ZBTB7C: variants seen among roughly 807,000 people sequenced by gnomAD.
ZBTB7C encodes zinc finger and BTB domain-containing protein 7C.
In ZBTB7C, 8 loss-of-function variants were observed where a neutral mutation model predicts 25.7. The ratio of observed to expected loss-of-function variants is 0.31; its 90% CI spans 0.18 to 0.56. The LOEUF is 0.56. ZBTB7C is among the 20% of genes least tolerant of loss of function. The pLI, the probability that ZBTB7C is intolerant of heterozygous loss-of-function variation, is 0.91. For synonymous variants in ZBTB7C, 394 were observed against 369.0 expected (o/e 1.07, Z -0.78); for missense variants, 824 against 855.2 (o/e 0.96, Z 0.46).
At chr18:48,117,310 A>G (rs1249147247) in intron 3 of ZBTB7C, among the ~76,000 whole-genome samples, 1 of 152,184 alleles carries the variant, frequency 6.6e-6, no homozygotes, top group African/African-American at 2.4e-5. Flanking sequence ...AGGTGGGCAG[A>G]TGGGAGTTAA....
chr18:48,315,550 C>T (rs894739839), intron 2 of ZBTB7C, among the ~76,000 whole-genome samples: 2 of 152,168 alleles, frequency 1.3e-5, no homozygotes, highest in South Asian at 4.1e-4. Flanking sequence ...CTGGGGACCC[C>T]CAAGAAACAC....
At chr18:48,292,791 G>A (rs2045271612) in intron 2 of ZBTB7C, among the ~76,000 whole-genome samples, 1 of 152,312 alleles carries the variant, frequency 6.6e-6, no homozygotes, top group East Asian at 1.9e-4. Context: ...TCCATGGAGT[G>A]GTATGGAAAA....
At chr18:48,261,627 T>C (rs1598728236) in intron 2 of ZBTB7C, among the ~76,000 whole-genome samples, 1 of 149,536 alleles carries the variant, frequency 6.7e-6, no homozygotes, top group African/African-American at 2.4e-5. Flanking sequence ...CTGCCTGGAA[T>C]CCTCGCCTCT....
At chr18:48,204,549 G>T (rs1473041554) in intron 2 of ZBTB7C, among the ~76,000 whole-genome samples, 3 of 152,116 alleles carry the variant, frequency 2.0e-5, no homozygotes, top group Non-Finnish European at 4.4e-5. Flanking sequence ...TTAAACCCAG[G>T]CCTCCAGACT....
At chr18:48,275,470 G>A (rs535520703) in intron 2 of ZBTB7C, among the ~76,000 whole-genome samples, 1 of 152,292 alleles carries the variant, frequency 6.6e-6, no homozygotes, top group South Asian at 2.1e-4. Flanking sequence ...GCCCAGTACA[G>A]TGCCCGGCCC....
chr18:48,371,059 C>T (rs550177279), intron 1 of ZBTB7C, among the ~76,000 whole-genome samples: 11 of 152,290 alleles, frequency 7.2e-5, no homozygotes, highest in Admixed American at 1.3e-4. Context: ...GTGTGTGATA[C>T]GTGATTCTCT....
intron 1 of ZBTB7C, among the ~76,000 whole-genome samples, chr18:48,342,168 G>A (rs953708816): frequency 5.9e-5 from 9 of 152,144 alleles, no homozygotes; most frequent in African/African-American, 1.9e-4. Context: ...CAGTGCCCAG[G>A]AGCACAGGTT....
chr18:48,123,807 C>G (rs985575544), intron 3 of ZBTB7C, among the ~76,000 whole-genome samples: 1 of 152,134 alleles, frequency 6.6e-6, no homozygotes, highest in Non-Finnish European at 1.5e-5. Context: ...AAAGAGCTCT[C>G]CTTAGAAATG....
chr18:48,221,904 CCCTCTATACTGTCCTAGTCT>C (rs2042971750), intron 2 of ZBTB7C, among the ~76,000 whole-genome samples: 2 of 146,048 alleles, frequency 1.4e-5, no homozygotes, highest in African/African-American at 5.4e-5. Context: ...GTCCTAGTCT[CCCTCTATACTGTCCTAGTCT>C]CCTCTATACT....
chr18:48,049,728 G>A (rs2036609868), intron 3 of ZBTB7C, among the ~76,000 whole-genome samples: 1 of 152,148 alleles, frequency 6.6e-6, no homozygotes, highest in South Asian at 2.1e-4. Flanking sequence ...AAAACAGCAG[G>A]GTGGGAACTG....
chr18:48,378,133 C>T (rs2047563080), intron 1 of ZBTB7C, among the ~76,000 whole-genome samples: 1 of 151,596 alleles, frequency 6.6e-6, no homozygotes, highest in Non-Finnish European at 1.5e-5. Flanking sequence ...AGTGAAACTC[C>T]GTTTCAAAAA....
chr18:48,228,141 G>A (rs2043152633), intron 2 of ZBTB7C, among the ~76,000 whole-genome samples: 1 of 152,162 alleles, frequency 6.6e-6, no homozygotes, highest in African/African-American at 2.4e-5. Flanking sequence ...TCAATGGCAT[G>A]GCTCCCGAGC....
At chr18:48,211,422 T>C (rs1277678435) in intron 2 of ZBTB7C, among the ~76,000 whole-genome samples, 1 of 152,020 alleles carries the variant, frequency 6.6e-6, no homozygotes, top group Non-Finnish European at 1.5e-5. Context: ...GTAGGAGAAA[T>C]ATTTGCAAGC....
intron 1 of ZBTB7C, among the ~76,000 whole-genome samples, chr18:48,344,782 G>A (rs1236532558): frequency 1.3e-5 from 2 of 152,180 alleles, no homozygotes; most frequent in South Asian, 2.1e-4. Flanking sequence ...CTTCAACGCC[G>A]CCAAATGCAG....
intron 2 of ZBTB7C, among the ~76,000 whole-genome samples, chr18:48,220,398 C>G (rs79628013): frequency 0.066 from 10,013 of 152,196 alleles, 430 homozygotes; most frequent in Non-Finnish European, 0.099. Context: ...AGCAAGCAGG[C>G]CTTACTTTCC....
At chr18:48,339,327 G>C (rs1007897922) in intron 1 of ZBTB7C, among the ~76,000 whole-genome samples, 2 of 152,238 alleles carry the variant, frequency 1.3e-5, no homozygotes, top group Non-Finnish European at 2.9e-5. Flanking sequence ...AGAGACCGTG[G>C]CAGACGAAGA....
rs2035584307 is a variant in ZBTB7C at position 48,028,129 on chromosome 18, C to T, written c.*1131G>A. ...CAACTCAAAAAACAAACAGATAAAC[C>T]CTAGAAACCGGTGTTTTGTCTGTTG... On this transcript the variant is annotated 3_prime_UTR_variant, in exon 5 of 5. Transcript: ENST00000590800. 1 of 152,110 alleles carries T rather than the reference C, an allele frequency of 6.6e-6. No homozygotes were observed. Among genetic ancestry groups the T allele is most frequent in the African/African-American group, 2.4e-5 (1 of 41,402 alleles). The allele number at this position is 152,110 out of a possible 1,614,324, so 9.4% of individuals were successfully genotyped here.
intron 1 of ZBTB7C, among the ~76,000 whole-genome samples, chr18:48,368,165 A>G (rs1351371429): frequency 6.6e-6 from 1 of 152,056 alleles, no homozygotes; most frequent in East Asian, 1.9e-4. Flanking sequence ...CAAAGATATT[A>G]AAGTAGGCAT....
intron 1 of ZBTB7C, among the ~76,000 whole-genome samples, chr18:48,361,135 G>A (rs575887716): frequency 4.1e-4 from 62 of 152,234 alleles, no homozygotes; most frequent in Non-Finnish European, 8.4e-4. Flanking sequence ...CCAGGACTAC[G>A]AACATCTCAT....
Sources: allele counts gnomAD v4.1 joint callset (sites outside exome capture counted in the v4.1 genomes callset), GRCh38; gene constraint gnomAD v4.1.1; transcripts MANE v1.5; gene names NCBI Gene and HGNC (gene_info 2026-07-23, HGNC 2026-07-21).